SNX31: variants seen among roughly 807,000 people sequenced by gnomAD.
The protein encoded by SNX31 is sorting nexin 31.
In SNX31, 58 loss-of-function variants were observed where a neutral mutation model predicts 65.4. That is an observed-to-expected ratio of 0.89 (90% CI 0.72 to 1.10). SNX31 has a LOEUF of 1.10. SNX31 is among the 50% of genes least tolerant of loss of function. The pLI is 0.00. For missense variants in SNX31, 523 were observed against 529.7 expected, an observed-to-expected ratio of 0.99 and a Z score of 0.12; for synonymous variants, 181 against 190.1, an observed-to-expected ratio of 0.95 and a Z score of 0.39.
chr8:100,587,597 A>G (rs1224678948), intron 11 of SNX31, among the ~76,000 whole-genome samples: 1 of 152,250 alleles, frequency 6.6e-6, no homozygotes, highest in Non-Finnish European at 1.5e-5. Context: ...TCAGTAGCAT[A>G]TAAATTCAGA....
chr8:100,603,416 G>GT (rs1815830168), intron 8 of SNX31, among the ~76,000 whole-genome samples: 1 of 151,810 alleles, frequency 6.6e-6, no homozygotes, highest in African/African-American at 2.4e-5. Context: ...CAAAGGTAAT[G>GT]TAACTGTTTT....
At chr8:100,628,070 C>T (rs1161380018) in intron 4 of SNX31, among the ~76,000 whole-genome samples, 3 of 152,154 alleles carry the variant, frequency 2.0e-5, no homozygotes, top group Non-Finnish European at 2.9e-5. Context: ...GAATGGCAAT[C>T]ATTAAAAAGT....
Position 100,578,772 on chromosome 8 carries a change from A to G in SNX31, c.1171-1697T>C, listed in dbSNP as rs1813259063. Among the ~76,000 whole-genome samples, 1 of 151,512 alleles carries G rather than the reference A, an allele frequency of 6.6e-6. No homozygotes were observed. Among genetic ancestry groups the G allele is most frequent in the Non-Finnish European group, 1.5e-5 (1 of 67,956 alleles). On this transcript the variant is annotated intron_variant, in intron 12 of 13. Coordinates refer to ENST00000311812, the MANE Select transcript of SNX31 (RefSeq NM_152628.4). This position sits in a 1 kb window ranked among gnomAD's most constrained non-coding sequence, Gnocchi z 4.7. Reference sequence around the variant, plus strand: ...AGTCTCGCTGTGTTGCCCAGGCTAGAGTGCAGTGGCACAATCTTGGCTCAC... The same window carrying G: ...AGTCTCGCTGTGTTGCCCAGGCTAGGGTGCAGTGGCACAATCTTGGCTCAC...
At chr8:100,623,789 G>C (rs989649073) in intron 4 of SNX31, among the ~76,000 whole-genome samples, 2 of 152,086 alleles carry the variant, frequency 1.3e-5, no homozygotes, top group African/African-American at 4.8e-5. Context: ...CTACTCACCA[G>C]CAGCAAACTT....
intron 10 of SNX31, among the ~76,000 whole-genome samples, chr8:100,589,677 G>A (rs1355430025): frequency 1.3e-5 from 2 of 152,240 alleles, no homozygotes; most frequent in Non-Finnish European, 2.9e-5. Flanking sequence ...ACAAGGGACT[G>A]TGCATGTGGC....
At chr8:100,593,365 C>T (rs1814762213) in intron 10 of SNX31, among the ~76,000 whole-genome samples, 3 of 152,162 alleles carry the variant, frequency 2.0e-5, no homozygotes, top group South Asian at 4.2e-4. Flanking sequence ...GTCATTTCAA[C>T]AAATGGGTAC....
In SNX31 at chr8:100,613,214, C is replaced by A. The variant is rs1005290513; in HGVS notation, c.433-129G>T. 7.7e-6 allele frequency: 5 copies of A among 653,228 alleles called. No homozygotes were observed. The highest frequency in any genetic ancestry group is 7.4e-5 in the African/African-American group (4 of 54,254). 40.5% of individuals were successfully genotyped at this position (653,228 alleles called of 1,614,324 possible). ...ATGCTGTCATGGGTTAGTGAACACT[C>A]AAAGAAAGCTTTTTGGAATCAAAAA... On this transcript the variant is annotated intron_variant, in intron 5 of 13. Transcript: ENST00000311812. This position sits in a 1 kb window ranked among gnomAD's most constrained non-coding sequence, Gnocchi z 5.2.
rs778802934 is a variant in SNX31, at chr8:100,612,965, T to C, written c.523+30A>G. The stretch of plus-strand genomic sequence containing the variant: ...GCTCACACCTGTCCACCCCATCTCC[T>C]AGCTGATTCATTTGTTCCTTCCTTC... On this transcript the variant is annotated intron_variant, in intron 6 of 13. Coordinates refer to ENST00000311812, the MANE Select transcript of SNX31 (RefSeq NM_152628.4). The surrounding 1 kb of genome is among the most constrained non-coding windows in gnomAD (Gnocchi z 4.3). 3 of 1,598,300 alleles carry C rather than the reference T, an allele frequency of 1.9e-6. No individual in the cohort carries two copies. The highest frequency in any genetic ancestry group is 2.6e-6 in the Non-Finnish European group (3 of 1,165,772).
chr8:100,632,405 C>G (rs1818473396), intron 3 of SNX31, among the ~76,000 whole-genome samples: 1 of 150,072 alleles, frequency 6.7e-6, no homozygotes, highest in Non-Finnish European at 1.5e-5. Flanking sequence ...GGTCCCATGA[C>G]AAAAAAAAAT....
intron 11 of SNX31, among the ~76,000 whole-genome samples, chr8:100,585,449 A>G (rs1001819408): frequency 1.3e-5 from 2 of 152,194 alleles, no homozygotes; most frequent in African/African-American, 4.8e-5. Flanking sequence ...GTAGCCAAGT[A>G]GGAAGTTCTT....
chr8:100,608,630 T>C, intron 7 of SNX31, 67 bp from the exon 8 acceptor site: 1 of 1,518,650 alleles, frequency 6.6e-7, no homozygotes, highest in Non-Finnish European at 9.1e-7. Flanking sequence ...GGCAAGTGCT[T>C]TGGAAAGTGG....
intron 10 of SNX31, among the ~76,000 whole-genome samples, chr8:100,593,810 T>C (rs780602236): frequency 6.6e-6 from 1 of 152,024 alleles, no homozygotes; most frequent in Non-Finnish European, 1.5e-5. Context: ...AAATGGATCA[T>C]GAACTTACAT....
At chr8:100,657,245 G>C (rs1276406803) in intron 1 of SNX31, among the ~76,000 whole-genome samples, 1 of 152,064 alleles carries the variant, frequency 6.6e-6, no homozygotes, top group Non-Finnish European at 1.5e-5. Flanking sequence ...CTGAGGTCGG[G>C]AGTTCAAGAC....
At chr8:100,658,906 C>A (rs886861899) in intron 1 of SNX31, among the ~76,000 whole-genome samples, 1 of 152,178 alleles carries the variant, frequency 6.6e-6, no homozygotes, top group African/African-American at 2.4e-5. Context: ...GGCTGCTAGG[C>A]TTGGCGGAAT....
chr8:100,641,566 A>G (rs1819198477), intron 2 of SNX31, among the ~76,000 whole-genome samples: 1 of 19,054 alleles, frequency 5.2e-5, no homozygotes, highest in Non-Finnish European at 8.0e-5. Flanking sequence ...AAAAAAAAAA[A>G]TATATATATA....
chr8:100,641,565 A>AAAAAT lies in SNX31; in HGVS notation c.142-5555_142-5554insATTTT, dbSNP rs1554587369. 8.4e-4 allele frequency among the ~76,000 whole-genome samples: 27 copies of AAAAAT among 32,106 alleles called. 1 individual carries two copies. Among genetic ancestry groups the AAAAAT allele is most frequent in the Non-Finnish European group, 9.6e-4 (18 of 18,708 alleles). The allele number at this position is 32,106 out of a possible 152,430, so 21.1% of individuals were successfully genotyped here. A position where few individuals can be genotyped will look rare whatever the true frequency, so the allele number is the denominator to read the frequency against. ...TGTCTCAAAAAAAAAAAAAAAAAAA[A>AAAAAT]ATATATATATATATATATATATATA... On this transcript the variant is annotated intron_variant, in intron 2 of 13. Transcript: ENST00000311812.
chr8:100,615,716 A>G (rs1365354875), intron 5 of SNX31, among the ~76,000 whole-genome samples: 6 of 152,210 alleles, frequency 3.9e-5, no homozygotes, highest in Non-Finnish European at 7.3e-5. Context: ...TAAATACTCT[A>G]GGCAACTGTA....
Position 100,643,704 on chromosome 8 carries a change from T to C in SNX31, c.141+5570A>G, listed in dbSNP as rs530973936. Among the ~76,000 whole-genome samples the C allele has an allele frequency of 1.9e-3, 282 of 152,236 alleles. 1 individual carries two copies. Among genetic ancestry groups the C allele is most frequent in the Middle Eastern group, 0.017 (5 of 294 alleles). ...GACTGGCAGAAGATGGACTCAGTCT[T>C]CTCACTGCTGTCATCATCATCACCA... is the stretch of plus-strand genomic sequence containing the variant. On this transcript the variant is annotated intron_variant, in intron 2 of 13. Coordinates refer to ENST00000311812, the MANE Select transcript of SNX31 (RefSeq NM_152628.4).
Position 100,618,402 on chromosome 8 carries a change from G to A in SNX31, c.322-672C>T, listed in dbSNP as rs529632094. On this transcript the variant is annotated intron_variant, in intron 4 of 13. Transcript: ENST00000311812. ...TTTTTCTGACACTAATTGTGGGTGG[G>A]GGCAGGGGGAAGGTGTTTCCATGTA... 54 of 1,375,066 alleles carry A rather than the reference G, an allele frequency of 3.9e-5. 1 individual carries two copies. In the African/African-American group the frequency reaches 5.2e-4, roughly 13 times the overall value. The allele number at this position is 1,375,066 out of a possible 1,614,324, so 85.2% of individuals were successfully genotyped here. A position where few individuals can be genotyped will look rare whatever the true frequency, so the allele number is the denominator to read the frequency against.
Sources: allele counts gnomAD v4.1 joint callset (sites outside exome capture counted in the v4.1 genomes callset), GRCh38; gene constraint gnomAD v4.1.1; non-coding constraint Gnocchi (gnomAD v3.1); transcripts MANE v1.5; gene names NCBI Gene and HGNC (gene_info 2026-07-23, HGNC 2026-07-21).